The following ALPL variants were observed in gnomAD, a reference collection of about 807,000 sequenced individuals.
ALPL encodes the protein alkaline phosphatase, biomineralization associated, also known as alkaline phosphatase, tissue-nonspecific isozyme.
In ALPL, 42 loss-of-function variants were observed where a neutral mutation model predicts 51.3. That is an observed-to-expected ratio of 0.82 (90% CI 0.64 to 1.06). ALPL has a LOEUF of 1.06. Among genes scored for constraint, ALPL ranks in the 50% least tolerant of loss-of-function variants. The pLI, the probability that ALPL is intolerant of heterozygous loss-of-function variation, is 0.00. For missense variants in ALPL, 589 were observed against 709.4 expected, an observed-to-expected ratio of 0.83 and a Z score of 1.93; for synonymous variants, 279 against 296.4, an observed-to-expected ratio of 0.94 and a Z score of 0.60.
intron 2 of ALPL, among the ~76,000 whole-genome samples, chr1:21,559,179 G>A (rs926163428): frequency 6.6e-5 from 10 of 152,138 alleles, no homozygotes; most frequent in Admixed American, 1.3e-4. Flanking sequence ...CTCTCCTCCC[G>A]TTCTGTGCAG....
At chr1:21,534,600 C>T (rs1273709664) in intron 1 of ALPL, among the ~76,000 whole-genome samples, 1 of 152,166 alleles carries the variant, frequency 6.6e-6, no homozygotes, top group Non-Finnish European at 1.5e-5. Context: ...TGGGGCTGAA[C>T]TCTAGCCCCC....
intron 9 of ALPL, chr1:21,574,041 G>A: frequency 1.0e-6 from 1 of 985,466 alleles, no homozygotes; most frequent in Non-Finnish European, 1.2e-6. Context: ...TCCTGGGAGA[G>A]GAGGCAGATT....
At chr1:21,534,088 G>A (rs1644067075) in intron 1 of ALPL, among the ~76,000 whole-genome samples, 1 of 152,092 alleles carries the variant, frequency 6.6e-6, no homozygotes. Flanking sequence ...GGGCTGAAGC[G>A]ATCCTCCAGT....
chr1:21,568,076 C>T (rs1644591733), intron 6 of ALPL, 28 bp from the exon 7 acceptor site: 1 of 1,613,670 alleles, frequency 6.2e-7, no homozygotes, highest in Admixed American at 1.7e-5. Flanking sequence ...TGGAACCCTG[C>T]AGAAGTGATG....
intron 1 of ALPL, among the ~76,000 whole-genome samples, chr1:21,527,043 C>CTTTTCTTTTCTTTTCTTTTCTTTTCT (rs760115642): frequency 3.0e-5 from 4 of 135,590 alleles, no homozygotes; most frequent in Non-Finnish European, 4.8e-5. Context: ...CTTTTCTTTT[C>CTTTTCTTTTCTTTTCTTTTCTTTTCT]TTTCTTGAGA....
At chr1:21,555,845 A>G (rs566798241) in intron 2 of ALPL, among the ~76,000 whole-genome samples, 4 of 151,824 alleles carry the variant, frequency 2.6e-5, no homozygotes, top group Admixed American at 1.3e-4. Context: ...ATCTTGGCTC[A>G]CTGCAAGCTC....
chr1:21,544,388 C>A (rs1382475309), intron 1 of ALPL, among the ~76,000 whole-genome samples: 1 of 152,198 alleles, frequency 6.6e-6, no homozygotes, highest in African/African-American at 2.4e-5. Flanking sequence ...GGTGCTAAGG[C>A]CCTAAGTTTG....
intron 1 of ALPL, among the ~76,000 whole-genome samples, chr1:21,551,883 T>A (rs778250618): frequency 1.4e-4 from 21 of 151,580 alleles, no homozygotes; most frequent in Non-Finnish European, 2.4e-4. Flanking sequence ...CCGCTACCTC[T>A]CCCGGCTAAT....
At chr1:21,550,345 TC>T (rs1644304931) in intron 1 of ALPL, among the ~76,000 whole-genome samples, 1 of 152,186 alleles carries the variant, frequency 6.6e-6, no homozygotes, top group Non-Finnish European at 1.5e-5. Flanking sequence ...CTCTGCAACT[TC>T]CTGTTGGTAA....
chr1:21,552,378 C>T (rs1304191818), intron 1 of ALPL, among the ~76,000 whole-genome samples: 1 of 149,922 alleles, frequency 6.7e-6, no homozygotes, highest in African/African-American at 2.5e-5. Context: ...ACTCGGGAGG[C>T]TGAGGCAGGA....
chr1:21,531,439 T>C (rs538634012), intron 1 of ALPL, among the ~76,000 whole-genome samples: 2 of 152,320 alleles, frequency 1.3e-5, no homozygotes, highest in African/African-American at 2.4e-5. Context: ...TTATGCAAGA[T>C]ACTTTTTGTG....
chr1:21,554,279 C>A, intron 2 of ALPL, 137 bp downstream of exon 2: 1 of 827,368 alleles, frequency 1.2e-6, no homozygotes, highest in South Asian at 1.4e-5. Flanking sequence ...CAGGAAACCT[C>A]AGCCCTGCTA....
rs1464251349 is a variant in ALPL at position 21,578,357 on chromosome 1, G to A, written c.*709G>A. 1 of 152,460 alleles carries A rather than the reference G, an allele frequency of 6.6e-6. No homozygotes were observed. The highest frequency in any genetic ancestry group is 1.5e-5 in the Non-Finnish European group (1 of 68,024). 9.4% of individuals were successfully genotyped at this position (152,460 alleles called of 1,614,324 possible). On this transcript the variant is annotated 3_prime_UTR_variant, in exon 12 of 12. Coordinates refer to ENST00000374840, the MANE Select transcript of ALPL (RefSeq NM_000478.6). This position sits in a 1 kb window ranked among gnomAD's most constrained non-coding sequence, Gnocchi z 4.2. The stretch of plus-strand genomic sequence containing the variant: ...AATTTTTTTTTCTCTTTTTGGTGGT[G>A]GTTAAAAGGGAACACAAAACATTTA...
At chr1:21,575,574 A>C (rs1644715503) in intron 9 of ALPL, among the ~76,000 whole-genome samples, 159 bp from the exon 10 acceptor site, 1 of 152,146 alleles carries the variant, frequency 6.6e-6, no homozygotes. Context: ...ATGGCTGCGT[A>C]AAATGCCTAG....
intron 2 of ALPL, among the ~76,000 whole-genome samples, chr1:21,554,803 G>T (rs78906110): frequency 0.089 from 3,758 of 42,174 alleles, 147 homozygotes; most frequent in African/African-American, 0.17. Context: ...CTGTCTGTCT[G>T]TCTGTCTGTC....
chr1:21,521,408 C>T (rs1160280533), intron 1 of ALPL, among the ~76,000 whole-genome samples: 1 of 151,306 alleles, frequency 6.6e-6, no homozygotes, highest in African/African-American at 2.4e-5. Flanking sequence ...TGGTCTCAAA[C>T]TCCTGACCTC....
At chr1:21,574,651 G>C (rs1307654276) in intron 9 of ALPL, 1 of 152,272 alleles carries the variant, frequency 6.6e-6, no homozygotes, top group Non-Finnish European at 1.5e-5. Context: ...CTGCTTTCTT[G>C]CCAAACCCCG....
In ALPL at chr1:21,570,335, C is replaced by T; in HGVS notation, c.823C>T (p.Leu275Phe). ...CCACTTCATCTGGAACCGCACGGAACTCCTGACCCTTGACCCCCACAATGT... is the reference window on the plus strand; with the variant it reads ...CCACTTCATCTGGAACCGCACGGAATTCCTGACCCTTGACCCCCACAATGT... ...HSHFIWNRTELLTLDPHNVDY... is the reference protein window; with the variant it reads ...HSHFIWNRTEFLTLDPHNVDY... Residue 275 changes from leucine to phenylalanine, a missense_variant, in exon 8 of 12, where the codon CTC becomes TTC. By Grantham distance (22) the Leu-to-Phe change is conservative. Transcript: ENST00000374840. The T allele has an allele frequency of 6.2e-7, 1 of 1,614,184 alleles. No homozygotes were observed. The highest frequency in any genetic ancestry group is 1.1e-5 in the South Asian group (1 of 91,086).
In ALPL at chr1:21,575,810, A is replaced by G. The variant is rs1252390180; in HGVS notation, c.1075A>G (p.Ile359Val). 1 of 1,614,134 alleles carries G rather than the reference A, an allele frequency of 6.2e-7. No individual in the cohort carries two copies. Among genetic ancestry groups the G allele is most frequent in the Non-Finnish European group, 8.5e-7 (1 of 1,180,052 alleles). The change falls in exon 10 of 12, where the codon ATC (isoleucine) becomes GTC (valine). Residue 359 changes from isoleucine (I) to valine (V), a missense_variant. Transcript: ENST00000374840. Reference protein sequence around the residue: ...LHEAVEMDRAIGQAGSLTSSE... With the variant: ...LHEAVEMDRAVGQAGSLTSSE... ...TGAGGCGGTGGAGATGGACCGGGCC[A>G]TCGGGCAGGCAGGCAGCTTGACCTC...
Sources: gnomAD v4.1 joint callset for allele counts (sites outside exome capture counted in the v4.1 genomes callset) on GRCh38, gnomAD v4.1.1 for gene constraint, Gnocchi (gnomAD v3.1) non-coding constraint, MANE v1.5 for transcripts, NCBI Gene and HGNC (gene_info 2026-07-23, HGNC 2026-07-21) for gene names.